IL1RAPL1: variants seen among roughly 807,000 people sequenced by gnomAD.
IL1RAPL1 encodes the protein interleukin-1 receptor accessory protein-like 1.
IL1RAPL1 carries 3 observed loss-of-function variants against 48.4 expected under a neutral mutation model. The ratio of observed to expected loss-of-function variants is 0.06; its 90% CI spans 0.03 to 0.16. The LOEUF (loss-of-function observed/expected upper bound fraction) is 0.16. IL1RAPL1 is among the 10% of genes least tolerant of loss of function. IL1RAPL1 has a pLI of 1.00. For missense variants in IL1RAPL1, 349 were observed against 530.6 expected (o/e 0.66, Z 3.36); for synonymous variants, 185 against 187.7 (o/e 0.99, Z 0.12).
intron 6 of IL1RAPL1, among the ~76,000 whole-genome samples, chrX:29,847,980 TA>T (rs1169578716): frequency 9.0e-6 from 1 of 111,611 alleles, no homozygotes; most frequent in Non-Finnish European, 1.9e-5. Flanking sequence ...ATATTTTCAT[TA>T]AAAAATGATC....
chrX:29,667,059 TATC>T (rs1424741378), intron 5 of IL1RAPL1, among the ~76,000 whole-genome samples: 1 of 112,254 alleles, frequency 8.9e-6, no homozygotes, highest in Non-Finnish European at 1.9e-5. Context: ...ATCAGAGTGA[TATC>T]ATATCTTTGA....
intron 6 of IL1RAPL1, among the ~76,000 whole-genome samples, chrX:29,838,339 G>A (rs996214530): frequency 1.1e-4 from 12 of 112,369 alleles, no homozygotes; most frequent in African/African-American, 1.9e-4. Flanking sequence ...TACCAGGCCA[G>A]TAACACATAA....
intron 2 of IL1RAPL1, among the ~76,000 whole-genome samples, chrX:29,100,818 T>G (rs914116415): frequency 2.7e-5 from 3 of 112,093 alleles, no homozygotes; most frequent in African/African-American, 6.5e-5. Context: ...TTGTCAGGTT[T>G]AAGTTAGATA....
At chrX:28,845,619 A>G (rs1206031043) in intron 2 of IL1RAPL1, among the ~76,000 whole-genome samples, 1 of 111,660 alleles carries the variant, frequency 9.0e-6, no homozygotes, top group Non-Finnish European at 1.9e-5. Context: ...ACTTTCACAG[A>G]CAAGTAACAC....
At chrX:29,157,410 A>G (rs1013689026) in intron 2 of IL1RAPL1, among the ~76,000 whole-genome samples, 3 of 111,978 alleles carry the variant, frequency 2.7e-5, no homozygotes, top group Non-Finnish European at 5.6e-5. Context: ...AATAAGGGAA[A>G]AAACTTAAAA....
chrX:29,613,434 A>G (rs1287343977), intron 5 of IL1RAPL1, among the ~76,000 whole-genome samples: 1 of 110,698 alleles, frequency 9.0e-6, no homozygotes, highest in Non-Finnish European at 1.9e-5. Context: ...ATCTCTCAGC[A>G]TTTCTTATGC....
chrX:29,324,995 A>G (rs1474939636), intron 3 of IL1RAPL1, among the ~76,000 whole-genome samples: 1 of 112,280 alleles, frequency 8.9e-6, no homozygotes, highest in East Asian at 2.8e-4. Context: ...TATTGGGTTT[A>G]ACATTTTTAT....
chrX:29,850,611 T>G (rs1261821824), intron 6 of IL1RAPL1, among the ~76,000 whole-genome samples: 1 of 112,519 alleles, frequency 8.9e-6, no homozygotes, highest in Non-Finnish European at 1.9e-5. Context: ...GGGTGGCGAC[T>G]GTGGAAAGCA....
chrX:29,017,386 A>G (rs1020997860), intron 2 of IL1RAPL1, among the ~76,000 whole-genome samples: 1 of 112,224 alleles, frequency 8.9e-6, no homozygotes. Context: ...TCTGAATATC[A>G]CTAATGCAAA....
chrX:28,985,814 C>G (rs1016084925), intron 2 of IL1RAPL1, among the ~76,000 whole-genome samples: 1 of 109,887 alleles, frequency 9.1e-6, no homozygotes, highest in Non-Finnish European at 1.9e-5. Context: ...CGCCCGCCAC[C>G]TCGCCCGGCT....
At chrX:28,802,005 C>T (rs933431032) in intron 2 of IL1RAPL1, among the ~76,000 whole-genome samples, 1 of 111,857 alleles carries the variant, frequency 8.9e-6, no homozygotes, top group Non-Finnish European at 1.9e-5. Flanking sequence ...ATTGATCACA[C>T]GTTTAAAAAG....
chrX:28,644,787 C>T (rs770431902), intron 1 of IL1RAPL1, among the ~76,000 whole-genome samples: 11 of 111,749 alleles, frequency 9.8e-5, no homozygotes, highest in Non-Finnish European at 1.9e-4. Context: ...AATGAGGTCG[C>T]TGCCCTGTAA....
At chrX:29,221,674 T>A in intron 2 of IL1RAPL1, among the ~76,000 whole-genome samples, 1 of 87,726 alleles carries the variant, frequency 1.1e-5, no homozygotes, top group African/African-American at 4.5e-5. Context: ...CACACACACA[T>A]ATGACAGACT....
chrX:29,243,781 C>G lies in IL1RAPL1; in HGVS notation c.83-39157C>G, dbSNP rs189451810. Reference sequence around the variant, plus strand: ...TCTGGAGCCTTCCTTAATTCAGTCACTCATTTAGGGACTGTACTGAGTTTC... The same window carrying G: ...TCTGGAGCCTTCCTTAATTCAGTCAGTCATTTAGGGACTGTACTGAGTTTC... On this transcript the variant is annotated intron_variant, in intron 2 of 10. Coordinates refer to ENST00000378993, the MANE Select transcript of IL1RAPL1 (RefSeq NM_014271.4). Among the ~76,000 whole-genome samples, 4 of 111,821 alleles carry G rather than the reference C, an allele frequency of 3.6e-5. No individual in the cohort carries two copies. In the East Asian group the frequency reaches 1.1e-3, roughly 31 times the overall value.
intron 5 of IL1RAPL1, among the ~76,000 whole-genome samples, chrX:29,633,605 A>C (rs1924865815): frequency 9.0e-6 from 1 of 111,124 alleles, no homozygotes; most frequent in South Asian, 3.8e-4. Flanking sequence ...GAAACAACAG[A>C]AATTTATTCC....
chrX:29,040,366 C>G (rs1926820233), intron 2 of IL1RAPL1, among the ~76,000 whole-genome samples: 1 of 112,000 alleles, frequency 8.9e-6, no homozygotes. Context: ...AGCTGCTTCT[C>G]AAAACATTAA....
intron 3 of IL1RAPL1, among the ~76,000 whole-genome samples, chrX:29,336,189 G>GTA (rs769850706): frequency 0.069 from 6,482 of 94,024 alleles, 273 homozygotes; most frequent in South Asian, 0.25. Flanking sequence ...AGGTGTGTGT[G>GTA]TATATATATA....
At chrX:29,927,247 A>G (rs1932898924) in intron 8 of IL1RAPL1, among the ~76,000 whole-genome samples, 2 of 112,458 alleles carry the variant, frequency 1.8e-5, no homozygotes, top group South Asian at 7.4e-4. Flanking sequence ...GCCCTTGCCT[A>G]GACAATAGAT....
chrX:28,913,537 T>C (rs1923411860), intron 2 of IL1RAPL1, among the ~76,000 whole-genome samples: 1 of 110,849 alleles, frequency 9.0e-6, no homozygotes. Context: ...AACTGCCTAA[T>C]GGTGAGCTGA....
Sources: gnomAD v4.1 joint callset for allele counts (sites outside exome capture counted in the v4.1 genomes callset) on GRCh38, gnomAD v4.1.1 for gene constraint, MANE v1.5 for transcripts, NCBI Gene and HGNC (gene_info 2026-07-23, HGNC 2026-07-21) for gene names.